ABCD3: variants seen among roughly 807,000 people sequenced by gnomAD.
The protein encoded by ABCD3 is ATP-binding cassette sub-family D member 3.
A neutral mutation model predicts 105.5 loss-of-function variants in ABCD3; 41 were observed. That is an observed-to-expected ratio of 0.39 (90% confidence interval 0.30 to 0.50). ABCD3 has a LOEUF of 0.50. ABCD3 is among the 20% of genes least tolerant of loss of function. ABCD3 has a pLI of 0.84. For missense variants in ABCD3, 622 were observed against 806.3 expected (o/e 0.77, Z 2.77); for synonymous variants, 258 against 269.0 (o/e 0.96, Z 0.40).
At chr1:94,447,583 A>T (rs1183536871) in intron 1 of ABCD3, among the ~76,000 whole-genome samples, 1 of 152,238 alleles carries the variant, frequency 6.6e-6, no homozygotes, top group African/African-American at 2.4e-5. Context: ...ACTTATGTAG[A>T]GCAAGCAATT....
Position 94,487,555 on chromosome 1 carries a change from AT to A in ABCD3, c.912del (p.His304GlnfsTer28). 6.2e-7 allele frequency: 1 copy of A among 1,613,770 alleles called. No homozygotes were observed. The highest frequency in any genetic ancestry group is 1.1e-5 in the South Asian group (1 of 91,066). On this transcript the variant is annotated frameshift_variant, in exon 11 of 23. Coordinates refer to ENST00000370214, the MANE Select transcript of ABCD3 (RefSeq NM_002858.4). LOFTEE classifies it high-confidence loss of function. ...GTTTTCTGCCAGGTGGAACACCTACATAATTTCATTTTGTTTCGGTTTTCAA... is the reference window on the plus strand; with the variant it reads ...GTTTTCTGCCAGGTGGAACACCTACAAATTTCATTTTGTTTCGGTTTTCAA... ...SVFRKLVEHLHNFILFRFSMG... is the reference protein window; with the variant it reads ...SVFRKLVEHLXNFILFRFSMG...
At chr1:94,454,794 G>C (rs1647462439) in intron 1 of ABCD3, among the ~76,000 whole-genome samples, 1 of 152,110 alleles carries the variant, frequency 6.6e-6, no homozygotes, top group African/African-American at 2.4e-5. Flanking sequence ...TGGGATTACA[G>C]ATGTACACCA....
At chr1:94,417,408 CT>C, upstream of ABCD3, among the ~76,000 whole-genome samples, 1 of 152,330 alleles carries the variant, frequency 6.6e-6, no homozygotes. Flanking sequence ...GACACACTTG[CT>C]TTTCTCCAGT....
chr1:94,401,513 G>C, the ABCD3 span, among the ~76,000 whole-genome samples: 1 of 152,218 alleles, frequency 6.6e-6, no homozygotes, highest in Non-Finnish European at 1.5e-5. Flanking sequence ...AAATCCCACA[G>C]GGCATTCTTA....
At chr1:94,411,640 A>T in the ABCD3 span, among the ~76,000 whole-genome samples, 1 of 152,236 alleles carries the variant, frequency 6.6e-6, no homozygotes, top group African/African-American at 2.4e-5. Context: ...CAGAATTACC[A>T]TATGACCTAG....
rs556936834 is a variant in ABCD3 at position 94,456,525 on chromosome 1, G to T, written c.111-2082G>T. 3.3e-5 allele frequency among the ~76,000 whole-genome samples: 5 copies of T among 150,868 alleles called. No homozygotes were observed. The South Asian group carries it at 8.4e-4, about 25-fold the overall frequency. ...ACTCCTGAGCTCAGTCAGTCCTCCC[G>T]CCTCGGGCTTCCAAAGTGCTAGGAT... On this transcript the variant is annotated intron_variant, in intron 1 of 22. Transcript: ENST00000370214.
chr1:94,426,471 C>T (rs1489866633), intron 1 of ABCD3, among the ~76,000 whole-genome samples: 1 of 152,036 alleles, frequency 6.6e-6, no homozygotes, highest in African/African-American at 2.4e-5. Flanking sequence ...TTTTATGACT[C>T]TCAAATATTT....
At chr1:94,510,819 C>CT (rs1169403601) in intron 21 of ABCD3, among the ~76,000 whole-genome samples, 14 of 151,672 alleles carry the variant, frequency 9.2e-5, no homozygotes, top group South Asian at 2.1e-4. Flanking sequence ...CAACCCCTGC[C>CT]TTTTTTTTGT....
chr1:94,514,927 A>G (rs951831085), intron 21 of ABCD3: 5 of 525,222 alleles, frequency 9.5e-6, no homozygotes, highest in Non-Finnish European at 1.7e-5. Flanking sequence ...AGAAAATAAT[A>G]CACTTAATGC....
In ABCD3 at chr1:94,483,218, C is replaced by A; in HGVS notation, c.876C>A (p.Val292=). The A allele has an allele frequency of 6.2e-7, 1 of 1,613,154 alleles. No individual in the cohort carries two copies. The highest frequency in any genetic ancestry group is 8.5e-7 in the Non-Finnish European group (1 of 1,179,230). ...GGAATAAAAGAGAAAAGCAGACAGT[C>A]CACTCAGTCTTCCGAAAACTGGTAA... ...YNGNKREKQT[V]HSVFRKLVEH... The change falls in exon 10 of 23, where the codon GTC becomes GTA. Residue 292 remains valine, a synonymous_variant. Coordinates refer to ENST00000370214, the MANE Select transcript of ABCD3 (RefSeq NM_002858.4).
intron 1 of ABCD3, among the ~76,000 whole-genome samples, chr1:94,448,401 T>C (rs879110605): frequency 1.7e-4 from 26 of 152,236 alleles, no homozygotes; most frequent in Non-Finnish European, 3.1e-4. Context: ...ACTAATTGGA[T>C]CCTCCCTAGA....
intron 1 of ABCD3, among the ~76,000 whole-genome samples, chr1:94,443,623 A>T (rs1307302713): frequency 6.6e-6 from 1 of 152,216 alleles, no homozygotes; most frequent in Non-Finnish European, 1.5e-5. Flanking sequence ...TTTAGGTCTT[A>T]CGATAAGGTC....
intron 4 of ABCD3, among the ~76,000 whole-genome samples, chr1:94,470,564 G>T (rs1262285363): frequency 2.0e-5 from 3 of 151,848 alleles, no homozygotes; most frequent in African/African-American, 7.3e-5. Context: ...CTGAACATTG[G>T]TATGAATTTT....
chr1:94,505,371 A>ATTT (rs71097204), intron 20 of ABCD3, among the ~76,000 whole-genome samples: 97 of 118,838 alleles, frequency 8.2e-4, no homozygotes, highest in African/African-American at 2.9e-3. Context: ...TGCTTGGCTA[A>ATTT]TTTTTTTTTT....
intron 1 of ABCD3, among the ~76,000 whole-genome samples, chr1:94,427,444 C>A (rs1659509036): frequency 6.6e-6 from 1 of 152,132 alleles, no homozygotes; most frequent in South Asian, 2.1e-4. Flanking sequence ...CTAAAAGTTA[C>A]CACTTCCTTC....
At chr1:94,482,919 G>A in intron 9 of ABCD3, 1 of 467,216 alleles carries the variant, frequency 2.1e-6, no homozygotes, top group South Asian at 2.7e-5. Flanking sequence ...TATGTCTTTT[G>A]CAGCCAGGAT....
At chr1:94,477,227 C>CAAAAAAAAAAAAA (rs561060182) in intron 7 of ABCD3, among the ~76,000 whole-genome samples, 4 of 44,306 alleles carry the variant, frequency 9.0e-5, no homozygotes, top group Non-Finnish European at 1.2e-4. Flanking sequence ...ACTTATAAGG[C>CAAAAAAAAAAAAA]AAAAAAAAAA....
intron 6 of ABCD3, 147 bp from the exon 7 acceptor site, chr1:94,475,467 C>A: frequency 1.2e-6 from 1 of 847,074 alleles, no homozygotes; most frequent in South Asian, 1.7e-5. Context: ...CTCTAAAAAT[C>A]AGTTAGGGCA....
Position 94,518,456 on chromosome 1 carries a change from T to A in ABCD3, c.*1327T>A, listed in dbSNP as rs1651027118. 1 of 151,480 alleles carries A rather than the reference T, an allele frequency of 6.6e-6. No individual in the cohort carries two copies. The highest frequency in any genetic ancestry group is 1.5e-5 in the Non-Finnish European group (1 of 67,636). The allele number at this position is 151,480 out of a possible 1,614,324, so 9.4% of individuals were successfully genotyped here. A position where few individuals can be genotyped will look rare whatever the true frequency, so the allele number is the denominator to read the frequency against. ...ATACATAACATTCAATTTTTACCAC[T>A]TCTGTTTAGCGAACTTGTATACTTA... On this transcript the variant is annotated 3_prime_UTR_variant, in exon 23 of 23. Coordinates refer to ENST00000370214, the MANE Select transcript of ABCD3 (RefSeq NM_002858.4).
Sources: gnomAD v4.1 joint callset for allele counts (sites outside exome capture counted in the v4.1 genomes callset) on GRCh38, gnomAD v4.1.1 for gene constraint, MANE v1.5 for transcripts, NCBI Gene and HGNC (gene_info 2026-07-23, HGNC 2026-07-21) for gene names.